The following ZSCAN30 variants were observed in gnomAD, a reference collection of about 807,000 sequenced individuals.
The protein encoded by ZSCAN30 is zinc finger and SCAN domain-containing protein 30.
Under a neutral mutation model 44.3 loss-of-function variants are expected in ZSCAN30, and 37 were observed. That is an observed-to-expected ratio of 0.84 (90% confidence interval 0.64 to 1.10). The LOEUF (loss-of-function observed/expected upper bound fraction) is 1.10, where lower values mean the gene tolerates loss of function less well. Ranked by LOEUF, ZSCAN30 falls within the 50% of genes least tolerant of loss-of-function variation. The pLI is 0.00. For missense variants in ZSCAN30, 549 were observed against 582.6 expected (o/e 0.94, Z 0.59); for synonymous variants, 181 against 204.6 (o/e 0.88, Z 0.98).
intron 1 of ZSCAN30, among the ~76,000 whole-genome samples, chr18:35,272,615 G>A (rs560789610): frequency 1.3e-5 from 2 of 152,268 alleles, no homozygotes; most frequent in African/African-American, 4.8e-5. Flanking sequence ...AAAGTGCTGG[G>A]ATTACAGGCA....
chr18:35,286,586 T>G (rs2072598265), intron 1 of ZSCAN30, among the ~76,000 whole-genome samples: 1 of 151,980 alleles, frequency 6.6e-6, no homozygotes, highest in Non-Finnish European at 1.5e-5. Context: ...TGATATAAAT[T>G]CTCACCAAAC....
At chr18:35,289,311 T>C (rs1423033296) in intron 1 of ZSCAN30, 1 of 152,164 alleles carries the variant, frequency 6.6e-6, no homozygotes, top group Non-Finnish European at 1.5e-5. Flanking sequence ...CTGCACTCCC[T>C]ACTTGGGAGG....
chr18:35,259,056 C>T (rs2043945743), intron 3 of ZSCAN30: 1 of 153,544 alleles, frequency 6.5e-6, no homozygotes, highest in South Asian at 2.1e-4. Flanking sequence ...ACTAGGGTTT[C>T]CACAACAAAA....
rs182449240 is a variant in ZSCAN30, at chr18:35,269,385, C to T, written c.-103-4930G>A. On this transcript the variant is annotated intron_variant, in intron 1 of 3. Coordinates refer to ENST00000333206, the MANE Select transcript of ZSCAN30 (RefSeq NM_001112734.4). Reference sequence around the variant, plus strand: ...AAACAATACCTGTAGCATAGAAAACCCCTCATAAAGATCCTTATCTAATTT... The same window carrying T: ...AAACAATACCTGTAGCATAGAAAACTCCTCATAAAGATCCTTATCTAATTT... 3.3e-5 allele frequency: 5 copies of T among 151,546 alleles called. No homozygotes were observed. In the East Asian group the frequency reaches 9.7e-4, roughly 29 times the overall value. 9.4% of individuals were successfully genotyped at this position (151,546 alleles called of 1,614,324 possible). A position where few individuals can be genotyped will look rare whatever the true frequency, so the allele number is the denominator to read the frequency against.
In ZSCAN30 at chr18:35,263,240, T is replaced by A. The variant is rs1355938726; in HGVS notation, c.553+273A>T. ...ACCTGGGTGATAGAGTGAGACCCCA[T>A]CTAAAAAAAAAAAAAAGAAAAAAGA... On this transcript the variant is annotated intron_variant, in intron 3 of 3. Coordinates refer to ENST00000333206, the MANE Select transcript of ZSCAN30 (RefSeq NM_001112734.4). The A allele has an allele frequency of 1.1e-4, 37 of 344,426 alleles. No individual in the cohort carries two copies. The Admixed American group carries it at 1.2e-3, about 11-fold the overall frequency. The allele number at this position is 344,426 out of a possible 1,614,324, so 21.3% of individuals were successfully genotyped here.
In ZSCAN30 at chr18:35,253,329, A is replaced by T; in HGVS notation, c.*121T>A. 1.4e-6 allele frequency: 1 copy of T among 698,770 alleles called. No individual in the cohort carries two copies. Among genetic ancestry groups the T allele is most frequent in the Non-Finnish European group, 2.3e-6 (1 of 433,336 alleles). 43.3% of individuals were successfully genotyped at this position (698,770 alleles called of 1,614,324 possible). A position where few individuals can be genotyped will look rare whatever the true frequency, so the allele number is the denominator to read the frequency against. ...CATCTTTGTGTGCATGTCTTCTTAT[A>T]GTACCGAACTGGGAGGGAAGGACAG... On this transcript the variant is annotated 3_prime_UTR_variant, in exon 4 of 4. Transcript: ENST00000333206.
intron 2 of ZSCAN30, 44 bp from the exon 3 acceptor site, chr18:35,263,701 A>G: frequency 6.2e-7 from 1 of 1,606,400 alleles, no homozygotes; most frequent in South Asian, 1.1e-5. Context: ...GAGGATACAC[A>G]AGCAGAAAAC....
At chr18:35,271,293 A>G (rs1455552602) in intron 1 of ZSCAN30, among the ~76,000 whole-genome samples, 3 of 152,134 alleles carry the variant, frequency 2.0e-5, no homozygotes, top group Non-Finnish European at 2.9e-5. Context: ...TGATTGGTCA[A>G]TTTTGACAGG....
chr18:35,264,367 G>A lies in ZSCAN30; in HGVS notation c.-15C>T, dbSNP rs1051079067. On this transcript the variant is annotated 5_prime_UTR_variant, in exon 2 of 4. Transcript: ENST00000333206. ...TCTCCTGACATTCTGGGCAGAGACAGTCTGAAAAGGCTGCCCAGGTGAGGC... is the reference window on the plus strand; with the variant it reads ...TCTCCTGACATTCTGGGCAGAGACAATCTGAAAAGGCTGCCCAGGTGAGGC... 1 of 1,603,958 alleles carries A rather than the reference G, an allele frequency of 6.2e-7. No homozygotes were observed. The highest frequency in any genetic ancestry group is 8.5e-7 in the Non-Finnish European group (1 of 1,174,358).
At chr18:35,272,793 T>C (rs1413383759) in intron 1 of ZSCAN30, among the ~76,000 whole-genome samples, 1 of 152,234 alleles carries the variant, frequency 6.6e-6, no homozygotes, top group African/African-American at 2.4e-5. Context: ...GAAAGAGATT[T>C]AACTGGACTT....
intron 1 of ZSCAN30, among the ~76,000 whole-genome samples, chr18:35,274,238 C>T (rs186594863): frequency 1.1e-4 from 17 of 152,122 alleles, no homozygotes; most frequent in African/African-American, 4.1e-4. Flanking sequence ...AGGGTCTCAC[C>T]GTGTTAGCCA....
At chr18:35,283,975 T>A (rs932034478) in intron 1 of ZSCAN30, 11 of 152,370 alleles carry the variant, frequency 7.2e-5, no homozygotes, top group African/African-American at 2.7e-4. Flanking sequence ...GGAGGAGCTT[T>A]ACTGAGCAAC....
At chr18:35,287,565 T>A in intron 1 of ZSCAN30, among the ~76,000 whole-genome samples, 1 of 90,594 alleles carries the variant, frequency 1.1e-5, no homozygotes, top group African/African-American at 4.4e-5. Context: ...CAACTGAATA[T>A]CCACATACCA....
chr18:35,274,883 C>T (rs1031638167), intron 1 of ZSCAN30, among the ~76,000 whole-genome samples: 1 of 152,166 alleles, frequency 6.6e-6, no homozygotes, highest in East Asian at 1.9e-4. Context: ...TTTAATTTTC[C>T]CCTAAAAGAT....
At chr18:35,286,704 C>G (rs973148442) in intron 1 of ZSCAN30, among the ~76,000 whole-genome samples, 4 of 152,016 alleles carry the variant, frequency 2.6e-5, no homozygotes, top group African/African-American at 9.7e-5. Flanking sequence ...AAAAAAAAGA[C>G]AAAGATCTTC....
intron 1 of ZSCAN30, chr18:35,289,414 TG>T (rs895971647): frequency 2.0e-5 from 3 of 152,184 alleles, no homozygotes; most frequent in African/African-American, 7.2e-5. Context: ...AACAGGGACT[TG>T]GGCTGGGACA....
intron 1 of ZSCAN30, chr18:35,266,596 C>T (rs896001105): frequency 2.0e-4 from 31 of 151,456 alleles, no homozygotes; most frequent in African/African-American, 6.5e-4. Flanking sequence ...CGTGCTTTGC[C>T]AGGTATTAAT....
Position 35,263,523 on chromosome 18 carries a change from G to C in ZSCAN30, c.543C>G (p.Phe181Leu). 1 of 1,614,170 alleles carries C rather than the reference G, an allele frequency of 6.2e-7. No homozygotes were observed. The highest frequency in any genetic ancestry group is 1.1e-5 in the South Asian group (1 of 91,078). Reference sequence around the variant, plus strand: ...ACTGGGGCTTCTCACCTCTCTCCTGGAAAGCCTGGGACTCCTGAGTCTCAG... The same window carrying C: ...ACTGGGGCTTCTCACCTCTCTCCTGCAAAGCCTGGGACTCCTGAGTCTCAG... ...CKTETQESQA[F>L]QERDGRMVAG... is the part of the protein sequence containing the mutation. The change falls in exon 3 of 4, where the codon TTC becomes TTG. Residue 181 changes from phenylalanine (F) to leucine (L), a missense_variant. Coordinates refer to ENST00000333206, the MANE Select transcript of ZSCAN30 (RefSeq NM_001112734.4).
rs748371261 is a variant in ZSCAN30, at chr18:35,253,731, G to A, written c.1204C>T (p.Gln402Ter). 3.7e-6 allele frequency: 6 copies of A among 1,613,922 alleles called. No individual in the cohort carries two copies. In the African/African-American group the frequency reaches 8.0e-5, roughly 22 times the overall value. Residue 402 changes from glutamine (Q) to a stop codon, truncating the protein, a stop_gained, in exon 4 of 4, where the codon CAG (glutamine) becomes TAG (stop). Transcript: ENST00000333206. LOFTEE classifies it high-confidence loss of function. Reference sequence around the variant, plus strand: ...TCTCCAGTGTGAATTTTCTTATGCTGAATAAGGGCTGAGCTCCGGCTGAAG... The same window carrying A: ...TCTCCAGTGTGAATTTTCTTATGCTAAATAAGGGCTGAGCTCCGGCTGAAG... ...KAFSRSSALI[Q>*]HKKIHTGDKS...
Sources: allele counts gnomAD v4.1 joint callset (sites outside exome capture counted in the v4.1 genomes callset), GRCh38; gene constraint gnomAD v4.1.1; transcripts MANE v1.5; gene names NCBI Gene and HGNC (gene_info 2026-07-23, HGNC 2026-07-21).